The following EYS variants were observed in gnomAD, a reference collection of about 807,000 sequenced individuals.
EYS encodes EGF-like photoreceptor maintenance factor.
A neutral mutation model predicts 282.1 loss-of-function variants in EYS; 250 were observed. The observed-to-expected ratio is 0.89, with a 90% CI of 0.80 to 0.98. The LOEUF is 0.98. EYS is among the 50% of genes least tolerant of loss of function. The probability of loss-of-function intolerance (pLI) is 0.00; values close to 1 mark genes in which losing one functional copy is unlikely to be tolerated. For synonymous variants in EYS, 1,355 were observed against 1,282.9 expected, an observed-to-expected ratio of 1.06 and a Z score of -1.20; for missense variants, 4,016 against 3,709.0, an observed-to-expected ratio of 1.08 and a Z score of -2.15.
intron 2 of EYS, among the ~76,000 whole-genome samples, chr6:65,549,864 C>T (rs547119691): frequency 6.6e-6 from 1 of 152,280 alleles, no homozygotes; most frequent in African/African-American, 2.4e-5. Flanking sequence ...TTGGCCAGAA[C>T]AGTTACAGAT....
At chr6:64,994,499 G>C (rs72875977) in intron 14 of EYS, among the ~76,000 whole-genome samples, 1 of 151,948 alleles carries the variant, frequency 6.6e-6, no homozygotes, top group African/African-American at 2.4e-5. Flanking sequence ...CAAGCAGGCC[G>C]GTGACTCTTT....
intron 6 of EYS, among the ~76,000 whole-genome samples, chr6:65,403,651 A>T (rs1027232613): frequency 6.6e-6 from 1 of 152,014 alleles, no homozygotes; most frequent in African/African-American, 2.4e-5. Context: ...TTTATCTACA[A>T]AATAATTCTT....
chr6:64,978,543 G>C (rs1770546789), intron 14 of EYS, among the ~76,000 whole-genome samples: 4 of 151,994 alleles, frequency 2.6e-5, no homozygotes, highest in African/African-American at 9.6e-5. Context: ...ATGAATGAAA[G>C]AGTAATTTTG....
chr6:65,053,244 G>A (rs1187129416), intron 13 of EYS, among the ~76,000 whole-genome samples: 2 of 151,572 alleles, frequency 1.3e-5, no homozygotes, highest in Non-Finnish European at 3.0e-5. Context: ...TTTGAACTAG[G>A]GTAAATTCTC....
Position 65,620,786 on chromosome 6 carries a change from A to G in EYS, c.-333+18992T>C, listed in dbSNP as rs564379931. Among the ~76,000 whole-genome samples, 477 of 151,976 alleles carry G rather than the reference A, an allele frequency of 3.1e-3. 5 individuals carry two copies. Among genetic ancestry groups the G allele is most frequent in the African/African-American group, 0.011 (458 of 41,368 alleles). On this transcript the variant is annotated intron_variant, in intron 2 of 42. Coordinates refer to ENST00000503581, the MANE Select transcript of EYS (RefSeq NM_001142800.2). ...CTCATTGGTTTCAAAGAACATCTTTATTTCTGCCTTCATTTTGTTATGTAC... is the reference window on the plus strand; with the variant it reads ...CTCATTGGTTTCAAAGAACATCTTTGTTTCTGCCTTCATTTTGTTATGTAC...
At chr6:65,267,238 T>C (rs1767781899) in intron 12 of EYS, among the ~76,000 whole-genome samples, 1 of 151,922 alleles carries the variant, frequency 6.6e-6, no homozygotes, top group African/African-American at 2.4e-5. Flanking sequence ...AGTTATATAA[T>C]ATTTTTCTTG....
At chr6:64,418,929 G>T (rs772013327) in intron 28 of EYS, among the ~76,000 whole-genome samples, 2 of 152,132 alleles carry the variant, frequency 1.3e-5, no homozygotes, top group African/African-American at 4.8e-5. Context: ...CTTTGTGAAC[G>T]GTGGTTAATA....
At chr6:64,151,635 C>T (rs1774742469) in intron 31 of EYS, among the ~76,000 whole-genome samples, 2 of 151,774 alleles carry the variant, frequency 1.3e-5, no homozygotes, top group Admixed American at 1.3e-4. Context: ...GTTGGGATTA[C>T]AGGCATGAGC....
At chr6:64,954,246 A>G (rs992824333) in intron 14 of EYS, among the ~76,000 whole-genome samples, 9 of 151,936 alleles carry the variant, frequency 5.9e-5, no homozygotes, top group Non-Finnish European at 8.8e-5. Flanking sequence ...ATCCTTTTTA[A>G]GGGTTCCTTT....
intron 36 of EYS, among the ~76,000 whole-genome samples, chr6:63,841,956 C>G (rs928279095): frequency 3.3e-5 from 5 of 152,164 alleles, no homozygotes; most frequent in African/African-American, 9.7e-5. Context: ...TTTTTTATGG[C>G]TGCATAGTAT....
chr6:63,898,235 T>C (rs1433963217), intron 35 of EYS, among the ~76,000 whole-genome samples: 2 of 152,136 alleles, frequency 1.3e-5, no homozygotes, highest in East Asian at 3.9e-4. Context: ...ATGCCTGTAA[T>C]CCCAGCACGT....
intron 33 of EYS, among the ~76,000 whole-genome samples, chr6:64,032,199 C>T (rs1034626778): frequency 1.2e-4 from 19 of 152,110 alleles, no homozygotes; most frequent in African/African-American, 4.6e-4. Context: ...AAGGAAGAAA[C>T]TCTGAACACA....
At chr6:64,948,169 G>C (rs1769355202) in intron 14 of EYS, among the ~76,000 whole-genome samples, 1 of 151,242 alleles carries the variant, frequency 6.6e-6, no homozygotes, top group Admixed American at 6.6e-5. Flanking sequence ...AAACATAAAA[G>C]GATGAAGAAA....
At chr6:65,663,980 T>C (rs1768112076) in intron 1 of EYS, among the ~76,000 whole-genome samples, 1 of 148,302 alleles carries the variant, frequency 6.7e-6, no homozygotes, top group South Asian at 2.2e-4. Flanking sequence ...CAGGCCATTC[T>C]CCTGCCTCAG....
intron 26 of EYS, among the ~76,000 whole-genome samples, chr6:64,516,877 A>T (rs1482566050): frequency 1.3e-5 from 2 of 151,826 alleles, no homozygotes; most frequent in Non-Finnish European, 2.9e-5. Context: ...TAGAAAAAAT[A>T]TAGGGTTAAA....
intron 32 of EYS, among the ~76,000 whole-genome samples, chr6:64,078,192 AAT>A (rs1452580266): frequency 6.6e-6 from 1 of 152,052 alleles, no homozygotes; most frequent in Admixed American, 6.6e-5. Context: ...ATGTTCAAAA[AAT>A]GTTTGTGAAA....
At chr6:64,665,174 T>C (rs1194449467) in intron 22 of EYS, among the ~76,000 whole-genome samples, 2 of 152,212 alleles carry the variant, frequency 1.3e-5, no homozygotes, top group Non-Finnish European at 2.9e-5. Flanking sequence ...TGTTCTGGCA[T>C]TTATAAAATA....
At chr6:64,567,085 T>C (rs952001642) in intron 26 of EYS, among the ~76,000 whole-genome samples, 6 of 152,070 alleles carry the variant, frequency 3.9e-5, no homozygotes, top group African/African-American at 1.4e-4. Context: ...TTAATTCTAA[T>C]CTTTCAAGAT....
In EYS at chr6:65,170,418, G is replaced by A. The variant is rs115237590; in HGVS notation, c.2024-112691C>T. Among the ~76,000 whole-genome samples the A allele has an allele frequency of 6.4e-3, 976 of 151,576 alleles. 13 individuals carry two copies. The highest frequency in any genetic ancestry group is 0.022 in the African/African-American group (918 of 41,452). On this transcript the variant is annotated intron_variant, in intron 12 of 42. Transcript: ENST00000503581. ...ACCATTTTCTTGACCACAAAAAGAC[G>A]TACTAAAGTGGGAATGAAAATGAAA... is the stretch of plus-strand genomic sequence containing the variant.
Sources: gnomAD v4.1 joint callset for allele counts (sites outside exome capture counted in the v4.1 genomes callset) on GRCh38, gnomAD v4.1.1 for gene constraint, MANE v1.5 for transcripts, NCBI Gene and HGNC (gene_info 2026-07-23, HGNC 2026-07-21) for gene names.